Variants in DIP2C observed in about 807,000 individuals in gnomAD.
DIP2C encodes disco-interacting protein 2 homolog C.
In DIP2C, 33 loss-of-function variants were observed where a neutral mutation model predicts 192.4. The ratio of observed to expected loss-of-function variants is 0.17; its 90% CI spans 0.13 to 0.23. The LOEUF is 0.23. DIP2C is among the 10% of genes least tolerant of loss of function. The pLI is 1.00. For synonymous variants in DIP2C, 979 were observed against 864.1 expected, an observed-to-expected ratio of 1.13 and a Z score of -2.33; for missense variants, 1,537 against 2,110.1, an observed-to-expected ratio of 0.73 and a Z score of 5.32.
At chr10:294,309 A>T (rs1955640479) in intron 32 of DIP2C, among the ~76,000 whole-genome samples, 1 of 152,100 alleles carries the variant, frequency 6.6e-6, no homozygotes, top group African/African-American at 2.4e-5. Context: ...CCCTAATCAC[A>T]TGCATCAATA....
chr10:670,318 A>G (rs1301336197), intron 1 of DIP2C, among the ~76,000 whole-genome samples: 1 of 152,184 alleles, frequency 6.6e-6, no homozygotes, highest in African/African-American at 2.4e-5. Context: ...ATACATGCAT[A>G]TACACATGCA....
chr10:650,963 C>T (rs947473829), intron 1 of DIP2C: 3 of 717,444 alleles, frequency 4.2e-6, no homozygotes, highest in African/African-American at 1.7e-5. Context: ...GTTTCTCTTC[C>T]AAAGCCGGCA....
At chr10:357,018 C>T (rs751540625) in intron 23 of DIP2C, among the ~76,000 whole-genome samples, 9 of 152,244 alleles carry the variant, frequency 5.9e-5, no homozygotes, top group Admixed American at 1.3e-4. Context: ...AAACAAACCA[C>T]ATGTGTGCTA....
At chr10:564,892 T>C (rs1243993295) in intron 1 of DIP2C, among the ~76,000 whole-genome samples, 1 of 152,202 alleles carries the variant, frequency 6.6e-6, no homozygotes, top group Admixed American at 6.5e-5. Context: ...ACACACACAG[T>C]AGAAATCTTT....
At chr10:591,702 G>C (rs1344154892) in intron 1 of DIP2C, among the ~76,000 whole-genome samples, 4 of 152,104 alleles carry the variant, frequency 2.6e-5, no homozygotes, top group African/African-American at 7.2e-5. Context: ...CACCAGCTAG[G>C]GACATGAAGG....
At chr10:628,477 A>G (rs705486) in intron 1 of DIP2C, among the ~76,000 whole-genome samples, 137,330 of 152,304 alleles carry the variant, frequency 0.9, 62,595 homozygotes, top group South Asian at 0.97. Flanking sequence ...AACGGGCATC[A>G]TGCCAGGTCC....
chr10:486,990 CCA>C (rs376839281), intron 1 of DIP2C, among the ~76,000 whole-genome samples: 350 of 152,290 alleles, frequency 2.3e-3, no homozygotes, highest in African/African-American at 8.2e-3. Flanking sequence ...CTTGAAGCCG[CCA>C]CAGTGTTTTT....
At chr10:595,778 G>A (rs1268791931) in intron 1 of DIP2C, among the ~76,000 whole-genome samples, 3 of 151,992 alleles carry the variant, frequency 2.0e-5, no homozygotes, top group African/African-American at 7.3e-5. Context: ...GTTTGGTTGG[G>A]AAAAAAAATT....
intron 1 of DIP2C, among the ~76,000 whole-genome samples, chr10:614,503 C>T (rs559497465): frequency 1.3e-5 from 2 of 152,208 alleles, no homozygotes; most frequent in African/African-American, 2.4e-5. Context: ...GGGATCCCCC[C>T]ACGAGGCTCT....
At chr10:562,426 A>G (rs576470048) in intron 1 of DIP2C, among the ~76,000 whole-genome samples, 70 of 152,224 alleles carry the variant, frequency 4.6e-4, no homozygotes, top group Non-Finnish European at 9.4e-4. Context: ...TGTTTTTGTC[A>G]GTTTTTATAA....
intron 24 of DIP2C, among the ~76,000 whole-genome samples, chr10:352,044 A>G (rs943900708): frequency 4.6e-5 from 7 of 151,962 alleles, no homozygotes; most frequent in African/African-American, 1.7e-4. Context: ...GGAGGCCCCG[A>G]CCCCCACAGT....
intron 1 of DIP2C, among the ~76,000 whole-genome samples, chr10:578,388 A>G (rs568681047): frequency 6.6e-6 from 1 of 152,316 alleles, no homozygotes; most frequent in African/African-American, 2.4e-5. Flanking sequence ...GGGCTGACAA[A>G]GTTGTGATAT....
intron 32 of DIP2C, among the ~76,000 whole-genome samples, chr10:305,298 CACAT>C (rs1206183791): frequency 6.6e-6 from 1 of 152,210 alleles, no homozygotes; most frequent in Non-Finnish European, 1.5e-5. Flanking sequence ...TTGCAAAACA[CACAT>C]GCATGTATGC....
intron 29 of DIP2C, among the ~76,000 whole-genome samples, chr10:340,380 A>T (rs1245832199): frequency 6.6e-6 from 1 of 151,930 alleles, no homozygotes; most frequent in Non-Finnish European, 1.5e-5. Context: ...AAGCAGGCGG[A>T]TAATACAAAA....
intron 1 of DIP2C, among the ~76,000 whole-genome samples, chr10:569,367 A>G (rs1849643053): frequency 6.6e-6 from 1 of 152,228 alleles, no homozygotes; most frequent in African/African-American, 2.4e-5. Flanking sequence ...CACAGATTTG[A>G]GTTTTGTAAA....
intron 29 of DIP2C, among the ~76,000 whole-genome samples, chr10:330,664 T>TTC (rs1957465033): frequency 6.6e-6 from 1 of 151,334 alleles, no homozygotes; most frequent in East Asian, 1.9e-4. Context: ...TTTTTTTTTT[T>TTC]CAGTGGTAGG....
chr10:367,059 C>T (rs1029941965), intron 18 of DIP2C, among the ~76,000 whole-genome samples: 4 of 152,228 alleles, frequency 2.6e-5, no homozygotes, highest in Non-Finnish European at 5.9e-5. Flanking sequence ...GAGCCTAAAA[C>T]AGCCGGCACC....
intron 1 of DIP2C, among the ~76,000 whole-genome samples, chr10:519,961 G>C (rs773634800): frequency 6.6e-6 from 1 of 152,178 alleles, no homozygotes; most frequent in Non-Finnish European, 1.5e-5. Flanking sequence ...ACCCTTCTCC[G>C]TCTTGGAGCA....
intron 1 of DIP2C, among the ~76,000 whole-genome samples, chr10:621,800 T>C (rs931016400): frequency 6.6e-6 from 1 of 152,172 alleles, no homozygotes; most frequent in Non-Finnish European, 1.5e-5. Flanking sequence ...ACGGAGTGCT[T>C]CTTTCTGCTG....
Sources: allele counts gnomAD v4.1 joint callset (sites outside exome capture counted in the v4.1 genomes callset), GRCh38; gene constraint gnomAD v4.1.1; transcripts MANE v1.5; gene names NCBI Gene and HGNC (gene_info 2026-07-23, HGNC 2026-07-21).